CLSTN3: variants seen among roughly 807,000 people sequenced by gnomAD.
CLSTN3 encodes the protein calsyntenin-3.
Under a neutral mutation model 95.9 loss-of-function variants are expected in CLSTN3, and 36 were observed. That is an observed-to-expected ratio of 0.38 (90% confidence interval 0.29 to 0.50). The LOEUF is 0.50. Ranked by LOEUF, CLSTN3 falls within the 20% of genes least tolerant of loss-of-function variation. The probability of loss-of-function intolerance (pLI) is 0.95; values close to 1 mark genes in which losing one functional copy is unlikely to be tolerated. For missense variants in CLSTN3, 1,084 were observed against 1,268.8 expected (o/e 0.85, Z 2.21); for synonymous variants, 481 against 504.0 (o/e 0.95, Z 0.61).
intron 8 of CLSTN3, among the ~76,000 whole-genome samples, chr12:7,140,730 G>GATAGCTC (rs942375985): frequency 2.0e-5 from 3 of 152,148 alleles, no homozygotes; most frequent in Non-Finnish European, 2.9e-5. Context: ...GCAACATAGT[G>GATAGCTC]ATAGCTCATC....
At chr12:7,130,300 T>A, upstream of CLSTN3, 2 of 807,610 alleles carry the variant, frequency 2.5e-6, no homozygotes, top group Non-Finnish European at 1.6e-6. Flanking sequence ...CTGCAGCACC[T>A]GGTCCCCCCC....
At chr12:7,144,983 CA>C (rs1182042623) in intron 12 of CLSTN3, among the ~76,000 whole-genome samples, 355 of 152,300 alleles carry the variant, frequency 2.3e-3, no homozygotes, top group African/African-American at 7.4e-3. Context: ...GGCTGTCATC[CA>C]GTTATGAAAG....
intron 3 of CLSTN3, 56 bp from the exon 4 acceptor site, chr12:7,135,271 A>G (rs1463062674): frequency 1.9e-6 from 3 of 1,542,498 alleles, no homozygotes; most frequent in South Asian, 2.3e-5. Flanking sequence ...ATCTCAATGT[A>G]TAATGTCGAG....
intron 12 of CLSTN3, among the ~76,000 whole-genome samples, chr12:7,146,532 G>A (rs1939624363): frequency 6.6e-6 from 1 of 152,006 alleles, no homozygotes; most frequent in African/African-American, 2.4e-5. Flanking sequence ...ATCCACTCTG[G>A]GTCAGTACTA....
chr12:7,131,399 G>T, intron 1 of CLSTN3: 1 of 220,834 alleles, frequency 4.5e-6, no homozygotes, highest in South Asian at 6.1e-5. Context: ...GGCAGAAGTG[G>T]GTGTGTGGGG....
At chr12:7,153,682 T>C (rs898363305) in intron 16 of CLSTN3, among the ~76,000 whole-genome samples, 3 of 152,316 alleles carry the variant, frequency 2.0e-5, no homozygotes, top group East Asian at 1.9e-4. Context: ...AGTTCTTTCA[T>C]TGGGGATCAT....
At chr12:7,132,698 C>T (rs1279926133) in intron 1 of CLSTN3, 9 of 576,758 alleles carry the variant, frequency 1.6e-5, no homozygotes, top group Non-Finnish European at 2.5e-5. Flanking sequence ...TTCTCTAGCA[C>T]GTGAAATCGC....
rs148147388 is a variant in CLSTN3 at position 7,133,627 on chromosome 12, T to C, written c.242T>C (p.Ile81Thr). 1 of 1,613,990 alleles carries C rather than the reference T, an allele frequency of 6.2e-7. No individual in the cohort carries two copies. Among genetic ancestry groups the C allele is most frequent in the Non-Finnish European group, 8.5e-7 (1 of 1,180,016 alleles). Residue 81 changes from isoleucine (I) to threonine (T), a missense_variant, in exon 3 of 18, where the codon ATC becomes ACC. By Grantham distance (89) the Ile-to-Thr change is moderately conservative. Transcript: ENST00000266546. The surrounding 1 kb of genome is among the most constrained non-coding windows in gnomAD (Gnocchi z 4.7). ...HGSGVPFEAVILDKATGEGLI... is the reference protein window; with the variant it reads ...HGSGVPFEAVTLDKATGEGLI... ...TCTGGGGTGCCCTTTGAGGCTGTGA[T>C]CCTTGACAAGGCGACAGGAGAGGGG...
At chr12:7,156,060 G>A (rs1409964476) in intron 16 of CLSTN3, 3 of 357,266 alleles carry the variant, frequency 8.4e-6, no homozygotes, top group Non-Finnish European at 1.7e-5. Flanking sequence ...GCTGGAATGC[G>A]ATGTGTGTAT....
rs368738264 is a variant in CLSTN3 at position 7,149,477 on chromosome 12, C to T, written c.2075-46C>T. On this transcript the variant is annotated intron_variant, in intron 13 of 17. Coordinates refer to ENST00000266546, the MANE Select transcript of CLSTN3 (RefSeq NM_014718.4). This position sits in a 1 kb window ranked among gnomAD's most constrained non-coding sequence, Gnocchi z 4.5. Reference sequence around the variant, plus strand: ...GGGCATGGTTGGGTCTCAGAACCTCCGTGGGCCCTTTGGCTCTGACCCAGA... The same window carrying T: ...GGGCATGGTTGGGTCTCAGAACCTCTGTGGGCCCTTTGGCTCTGACCCAGA... 1.5e-5 allele frequency: 24 copies of T among 1,562,316 alleles called. No individual in the cohort carries two copies. The highest frequency in any genetic ancestry group is 2.7e-5 in the African/African-American group (2 of 74,096).
intron 1 of CLSTN3, chr12:7,132,372 G>T: frequency 4.8e-6 from 1 of 207,284 alleles, no homozygotes; most frequent in East Asian, 1.3e-4. Flanking sequence ...GGCTCTGCTG[G>T]GTCCAGTTGC....
upstream of CLSTN3, chr12:7,129,870 T>G: frequency 1.1e-6 from 1 of 946,608 alleles, no homozygotes; most frequent in Non-Finnish European, 1.3e-6. The surrounding 1 kb of genome is among the most constrained non-coding windows in gnomAD (Gnocchi z 5.5). Context: ...CCTCCTTGGG[T>G]CCCAGAGCCT....
chr12:7,155,351 TGTG>T (rs150035786), intron 16 of CLSTN3, among the ~76,000 whole-genome samples: 8 of 152,362 alleles, frequency 5.3e-5, no homozygotes, highest in Middle Eastern at 6.8e-3. Flanking sequence ...TTGTCTTTCC[TGTG>T]GTCATTTCTT....
In CLSTN3 at chr12:7,137,233, G is replaced by A; in HGVS notation, c.1210+123G>A. 3 of 969,562 alleles carry A rather than the reference G, an allele frequency of 3.1e-6. No homozygotes were observed. Among genetic ancestry groups the A allele is most frequent in the Middle Eastern group, 2.6e-4 (1 of 3,842 alleles). 60.1% of individuals were successfully genotyped at this position (969,562 alleles called of 1,614,324 possible). ...CTCTCTTCATTTGTGAGGTGCAAGT[G>A]CCAGGTGTGATATGCCTTGATTCTG... On this transcript the variant is annotated intron_variant, in intron 7 of 17. Coordinates refer to ENST00000266546, the MANE Select transcript of CLSTN3 (RefSeq NM_014718.4). This position sits in a 1 kb window ranked among gnomAD's most constrained non-coding sequence, Gnocchi z 4.4.
chr12:7,157,582 A>G lies in CLSTN3; in HGVS notation c.2621A>G (p.His874Arg). 6.2e-7 allele frequency: 1 copy of G among 1,612,094 alleles called. No homozygotes were observed. The highest frequency in any genetic ancestry group is 8.5e-7 in the Non-Finnish European group (1 of 1,179,462). ...VLGLVRIHSLHRRVSGAGGPP... is the reference protein window; with the variant it reads ...VLGLVRIHSLRRRVSGAGGPP... ...GGCCTGGTGCGCATCCATTCCCTTC[A>G]CCGCCGCGTCTCAGGGGCCGGCGGG... The change falls in exon 17 of 18, where the codon CAC becomes CGC. Residue 874 changes from histidine (H) to arginine (R), a missense_variant. Transcript: ENST00000266546. This position sits in a 1 kb window ranked among gnomAD's most constrained non-coding sequence, Gnocchi z 5.9.
At chr12:7,148,612 G>C (rs1418988368) in intron 12 of CLSTN3, among the ~76,000 whole-genome samples, 1 of 152,206 alleles carries the variant, frequency 6.6e-6, no homozygotes, top group African/African-American at 2.4e-5. Flanking sequence ...AAAGAACTGT[G>C]TGTGTATATA....
rs1199950371 is a variant in CLSTN3, at chr12:7,150,442, C to G, written c.2246-102C>G. 1 of 1,416,322 alleles carries G rather than the reference C, an allele frequency of 7.1e-7. No homozygotes were observed. The highest frequency in any genetic ancestry group is 2.4e-5 in the East Asian group (1 of 41,622). The allele number at this position is 1,416,322 out of a possible 1,614,324, so 87.7% of individuals were successfully genotyped here. ...TCTGCGGAGATGGGGCTGACCTGCT[C>G]TACAGCTTGTGTGGCGTCAGCTGGT... is the stretch of plus-strand genomic sequence containing the variant. On this transcript the variant is annotated intron_variant, in intron 14 of 17. Coordinates refer to ENST00000266546, the MANE Select transcript of CLSTN3 (RefSeq NM_014718.4). The surrounding 1 kb of genome is among the most constrained non-coding windows in gnomAD (Gnocchi z 4.0).
At chr12:7,140,181 G>C (rs1939502756) in intron 8 of CLSTN3, among the ~76,000 whole-genome samples, 2 of 152,166 alleles carry the variant, frequency 1.3e-5, no homozygotes, top group South Asian at 4.1e-4. Context: ...GAGGGAAAGG[G>C]AAGATCAAAG....
At position 7,133,323 on chromosome 12, in the gene CLSTN3, A is replaced by C. The variant is rs186770267; in HGVS notation, c.187+177A>C. Among the ~76,000 whole-genome samples, 565 of 152,326 alleles carry C rather than the reference A, an allele frequency of 3.7e-3. No individual in the cohort carries two copies. Among genetic ancestry groups the C allele is most frequent in the Non-Finnish European group, 5.7e-3 (386 of 68,028 alleles). On this transcript the variant is annotated intron_variant, in intron 2 of 17. Transcript: ENST00000266546. This position sits in a 1 kb window ranked among gnomAD's most constrained non-coding sequence, Gnocchi z 4.7. ...GAATGGAGATTGAGTCAAGGATGCC[A>C]GAAAAGGACATGGCCAGGCAAGGGT... is the stretch of plus-strand genomic sequence containing the variant.
Sources: gnomAD v4.1 joint callset for allele counts (sites outside exome capture counted in the v4.1 genomes callset) on GRCh38, gnomAD v4.1.1 for gene constraint, Gnocchi (gnomAD v3.1) non-coding constraint, MANE v1.5 for transcripts, NCBI Gene and HGNC (gene_info 2026-07-23, HGNC 2026-07-21) for gene names.